Variants in NRIP1 observed in about 807,000 individuals in gnomAD.
The protein encoded by NRIP1 is nuclear receptor interacting protein 1.
Under a neutral mutation model 75.0 loss-of-function variants are expected in NRIP1, and 28 were observed. The observed-to-expected ratio is 0.37, with a 90% CI of 0.28 to 0.51. NRIP1 has a LOEUF of 0.51. Ranked by LOEUF, NRIP1 falls within the 20% of genes least tolerant of loss-of-function variation. NRIP1 has a pLI of 0.92. For synonymous variants in NRIP1, 526 were observed against 487.6 expected (o/e 1.08, Z -1.04); for missense variants, 1,435 against 1,343.7 (o/e 1.07, Z -1.06).
chr21:14,978,095 G>A (rs1355127409), intron 3 of NRIP1, among the ~76,000 whole-genome samples: 8 of 152,144 alleles, frequency 5.3e-5, no homozygotes, highest in African/African-American at 1.4e-4. Flanking sequence ...TAACTTGCTC[G>A]TCAGCTGCTT....
chr21:14,994,064 T>C (rs2087647829), intron 3 of NRIP1, among the ~76,000 whole-genome samples: 1 of 152,124 alleles, frequency 6.6e-6, no homozygotes, highest in African/African-American at 2.4e-5. Context: ...ATAAGCGTAT[T>C]GATTCCTCTA....
intron 3 of NRIP1, among the ~76,000 whole-genome samples, chr21:15,002,978 A>T (rs559268768): frequency 6.6e-6 from 1 of 152,326 alleles, no homozygotes; most frequent in African/African-American, 2.4e-5. Flanking sequence ...CAATTATTTA[A>T]AAAGCACCTT....
intron 3 of NRIP1, among the ~76,000 whole-genome samples, chr21:14,973,457 A>G (rs143722634): frequency 6.6e-5 from 10 of 152,266 alleles, no homozygotes; most frequent in African/African-American, 2.4e-4. Flanking sequence ...AAAAATGCAT[A>G]TATACAACGA....
chr21:15,041,386 CTAGT>C (rs1175736222), intron 2 of NRIP1, among the ~76,000 whole-genome samples: 1 of 152,072 alleles, frequency 6.6e-6, no homozygotes, highest in East Asian at 1.9e-4. Flanking sequence ...GAGTAGGGTG[CTAGT>C]TACTCAGACT....
At chr21:15,031,112 T>C (rs1391934843) in intron 2 of NRIP1, among the ~76,000 whole-genome samples, 74 of 122,826 alleles carry the variant, frequency 6.0e-4, no homozygotes, top group African/African-American at 2.1e-3. Context: ...CCACATTCCC[T>C]TTCTATGTGT....
At chr21:15,049,124 T>C (rs569286910) in intron 1 of NRIP1, among the ~76,000 whole-genome samples, 2 of 152,268 alleles carry the variant, frequency 1.3e-5, no homozygotes, top group South Asian at 4.1e-4. Context: ...AAATACAATA[T>C]AGGGCCATTA....
Position 14,964,861 on chromosome 21 carries a change from G to A in NRIP1, c.3332C>T (p.Thr1111Ile). 6.2e-7 allele frequency: 1 copy of A among 1,613,438 alleles called. No individual in the cohort carries two copies. Among genetic ancestry groups the A allele is most frequent in the Non-Finnish European group, 8.5e-7 (1 of 1,179,716 alleles). ...AAAGAAAGAAGCTTTCGTTTCTGCA[G>A]TAGGAAGTAACTCTTCTTTGGCTGT... ...QVTAKEELLP[T>I]AETKASFFNL... Residue 1111 changes from threonine to isoleucine, a missense_variant, in exon 4 of 4, where the codon ACT becomes ATT. Transcript: ENST00000318948.
At chr21:14,986,064 A>G (rs2087393723) in intron 3 of NRIP1, among the ~76,000 whole-genome samples, 1 of 152,176 alleles carries the variant, frequency 6.6e-6, no homozygotes, top group African/African-American at 2.4e-5. Flanking sequence ...CCATTTTAAA[A>G]ATCAATCATT....
chr21:14,966,115 C>A lies in NRIP1; in HGVS notation c.2078G>T (p.Gly693Val). The change falls in exon 4 of 4, where the codon GGT (glycine) becomes GTT (valine). Residue 693 changes from glycine (G) to valine (V), a missense_variant. By Grantham distance (109) the Gly-to-Val change is moderately radical. Transcript: ENST00000318948. Reference sequence around the variant, plus strand: ...AGAACCAGAAAGCCCTGGTTCAGGACCTGTTGGTTGACTACTAAATGCTTT... The same window carrying A: ...AGAACCAGAAAGCCCTGGTTCAGGAACTGTTGGTTGACTACTAAATGCTTT... ...ENKAFSSQPT[G>V]PEPGLSGSEI... 6.2e-7 allele frequency: 1 copy of A among 1,612,454 alleles called. No homozygotes were observed. The highest frequency in any genetic ancestry group is 8.5e-7 in the Non-Finnish European group (1 of 1,179,966).
At chr21:15,062,847 A>T (rs1978429514) in intron 1 of NRIP1, among the ~76,000 whole-genome samples, 6 of 152,228 alleles carry the variant, frequency 3.9e-5, no homozygotes, top group Admixed American at 3.3e-4. Flanking sequence ...ACACTTCTTT[A>T]GTGCAAAGTT....
chr21:15,042,613 A>T (rs1343533881), intron 2 of NRIP1, among the ~76,000 whole-genome samples: 1 of 152,226 alleles, frequency 6.6e-6, no homozygotes, highest in Non-Finnish European at 1.5e-5. Context: ...CTTATAAAAG[A>T]GGTCCCAATA....
At chr21:15,015,978 C>G (rs2088217739) in intron 2 of NRIP1, among the ~76,000 whole-genome samples, 1 of 152,160 alleles carries the variant, frequency 6.6e-6, no homozygotes, top group South Asian at 2.1e-4. Context: ...AGATGTAGTT[C>G]TGAGCTATCA....
At chr21:15,015,216 G>A (rs903383879) in intron 2 of NRIP1, among the ~76,000 whole-genome samples, 3 of 152,064 alleles carry the variant, frequency 2.0e-5, no homozygotes, top group Non-Finnish European at 2.9e-5. Flanking sequence ...TCCAGAAAAC[G>A]CAAATTCATC....
At chr21:14,989,539 A>AT (rs1491196951) in intron 3 of NRIP1, among the ~76,000 whole-genome samples, 1 of 152,164 alleles carries the variant, frequency 6.6e-6, no homozygotes, top group East Asian at 1.9e-4. Flanking sequence ...AGTGAATAAC[A>AT]TATCTTTCAC....
Position 14,966,412 on chromosome 21 carries a change from G to C in NRIP1, c.1781C>G (p.Thr594Ser). ...AAGGTCCATTGAGTGGTTAGATGCA[G>C]TATTTGTTAGCTTTTCAGACTGAGT... ...CSTQSEKLTN[T>S]ASNHSMDLTK... is the part of the protein sequence containing the mutation. Residue 594 changes from threonine (T) to serine (S), a missense_variant, in exon 4 of 4, where the codon ACT becomes AGT. Physicochemically the swap from Thr to Ser is moderately conservative, Grantham distance 58. Coordinates refer to ENST00000318948, the MANE Select transcript of NRIP1 (RefSeq NM_003489.4). 1.2e-6 allele frequency: 2 copies of C among 1,614,072 alleles called. No homozygotes were observed. Among genetic ancestry groups the C allele is most frequent in the Non-Finnish European group, 1.7e-6 (2 of 1,179,962 alleles).
chr21:14,969,979 T>C (rs140175066), intron 3 of NRIP1, among the ~76,000 whole-genome samples: 1 of 152,320 alleles, frequency 6.6e-6, no homozygotes, highest in African/African-American at 2.4e-5. Flanking sequence ...AGGTTAATAA[T>C]GATATAGAAA....
In NRIP1 at chr21:14,961,400, C is replaced by T. The variant is rs1600792727; in HGVS notation, c.*3316G>A. 2.6e-5 allele frequency: 4 copies of T among 152,306 alleles called. No homozygotes were observed. Among genetic ancestry groups the T allele is most frequent in the East Asian group, 3.8e-4 (2 of 5,196 alleles). 9.4% of individuals were successfully genotyped at this position (152,306 alleles called of 1,614,324 possible). ...TGGCAAATTATATTACTGAGCAGAT[C>T]GCATCAAATTTGGTTGTGTAAACAC... On this transcript the variant is annotated 3_prime_UTR_variant, in exon 4 of 4. Transcript: ENST00000318948.
intron 2 of NRIP1, among the ~76,000 whole-genome samples, chr21:15,033,820 G>C (rs2088769611): frequency 6.6e-6 from 1 of 152,194 alleles, no homozygotes; most frequent in African/African-American, 2.4e-5. Flanking sequence ...GTGTTTCACA[G>C]TAAGGCATTC....
intron 3 of NRIP1, among the ~76,000 whole-genome samples, chr21:15,008,233 C>T (rs527789110): frequency 4.6e-5 from 7 of 152,104 alleles, no homozygotes; most frequent in South Asian, 2.1e-4. Context: ...AGAAAAGGAC[C>T]GCCAGCATCA....
Sources: allele counts gnomAD v4.1 joint callset (sites outside exome capture counted in the v4.1 genomes callset), GRCh38; gene constraint gnomAD v4.1.1; transcripts MANE v1.5; gene names NCBI Gene and HGNC (gene_info 2026-07-23, HGNC 2026-07-21).